CNBD1: variants seen among roughly 807,000 people sequenced by gnomAD.
The protein encoded by CNBD1 is cyclic nucleotide binding domain containing 1, also known as cyclic nucleotide-binding domain-containing protein 1.
A neutral mutation model predicts 54.4 loss-of-function variants in CNBD1; 71 were observed. That is an observed-to-expected ratio of 1.30 (90% CI 1.08 to 1.59). CNBD1 has a LOEUF of 1.59. CNBD1 is among the 40% of genes most tolerant of loss of function. The probability of loss-of-function intolerance (pLI) is 0.00; values close to 1 mark genes in which losing one functional copy is unlikely to be tolerated. For synonymous variants in CNBD1, 182 were observed against 170.7 expected, an observed-to-expected ratio of 1.07 and a Z score of -0.51; for missense variants, 659 against 518.0, an observed-to-expected ratio of 1.27 and a Z score of -2.64.
At position 86,902,299 on chromosome 8, in the gene CNBD1, G is replaced by A. The variant is rs150763689; in HGVS notation, c.159-2782G>A. ...TTAATATATACCTTTTTGGGAGTTGGGGGGGGAGCCATACAATCCATAGCA... is the reference window on the plus strand; with the variant it reads ...TTAATATATACCTTTTTGGGAGTTGAGGGGGGAGCCATACAATCCATAGCA... On this transcript the variant is annotated intron_variant, in intron 2 of 10. Coordinates refer to ENST00000518476, the MANE Select transcript of CNBD1 (RefSeq NM_173538.3). Among the ~76,000 whole-genome samples the A allele has an allele frequency of 3.3e-5, 5 of 152,022 alleles. No individual in the cohort carries two copies. In the South Asian group the frequency reaches 6.2e-4, roughly 19 times the overall value.
chr8:87,184,397 T>A (rs981638122), intron 4 of CNBD1, among the ~76,000 whole-genome samples: 2 of 152,128 alleles, frequency 1.3e-5, no homozygotes, highest in Non-Finnish European at 2.9e-5. Flanking sequence ...CAGCTGCTAA[T>A]AAACGCTAAA....
chr8:87,232,421 C>G (rs868668929), intron 5 of CNBD1, among the ~76,000 whole-genome samples: 3 of 152,128 alleles, frequency 2.0e-5, no homozygotes, highest in Admixed American at 1.3e-4. Flanking sequence ...TGTTTCACAT[C>G]TATGCCAATA....
At chr8:87,397,288 G>A (rs111262143) in intron 2 of CNBD1, among the ~76,000 whole-genome samples, 31 of 151,992 alleles carry the variant, frequency 2.0e-4, no homozygotes, top group African/African-American at 6.0e-4. Context: ...GACTAGAAAT[G>A]TTTGTATCAC....
chr8:87,171,925 C>G (rs538624018), intron 4 of CNBD1, among the ~76,000 whole-genome samples: 40 of 152,274 alleles, frequency 2.6e-4, no homozygotes, highest in Non-Finnish European at 5.0e-4. Context: ...GCATGAGCCA[C>G]CGCGCCTGGG....
intron 4 of CNBD1, among the ~76,000 whole-genome samples, chr8:87,037,294 G>A (rs947297759): frequency 2.0e-5 from 3 of 151,926 alleles, no homozygotes; most frequent in Admixed American, 2.0e-4. Context: ...GAGTTCTGAA[G>A]CTTTGCAGTG....
chr8:87,126,688 G>C (rs1811996289), intron 4 of CNBD1, among the ~76,000 whole-genome samples: 1 of 151,670 alleles, frequency 6.6e-6, no homozygotes, highest in Admixed American at 6.6e-5. Flanking sequence ...TTGCACATTT[G>C]CATTTTATCA....
At chr8:87,173,418 C>A (rs1247604081) in intron 4 of CNBD1, among the ~76,000 whole-genome samples, 3 of 152,128 alleles carry the variant, frequency 2.0e-5, no homozygotes, top group Admixed American at 2.0e-4. Context: ...CATTAACTTT[C>A]TTTTCTTTCT....
intron 1 of CNBD1, among the ~76,000 whole-genome samples, chr8:86,878,895 T>A (rs142899298): frequency 5.9e-5 from 9 of 152,230 alleles, no homozygotes; most frequent in Non-Finnish European, 1.3e-4. Flanking sequence ...AGATCAGGCT[T>A]CTTCCTCTAA....
At chr8:87,104,518 A>C (rs1436073986) in intron 4 of CNBD1, among the ~76,000 whole-genome samples, 1 of 152,174 alleles carries the variant, frequency 6.6e-6, no homozygotes, top group East Asian at 1.9e-4. Context: ...TCAGTGATTG[A>C]GGTGGAGGCA....
intron 3 of CNBD1, among the ~76,000 whole-genome samples, chr8:86,912,573 C>A (rs934091482): frequency 6.6e-6 from 1 of 152,044 alleles, no homozygotes; most frequent in East Asian, 1.9e-4. Context: ...ATTGTGCTGC[C>A]AGTTATATAA....
At chr8:86,967,942 G>C (rs73271744) in intron 4 of CNBD1, among the ~76,000 whole-genome samples, 1 of 152,112 alleles carries the variant, frequency 6.6e-6, no homozygotes, top group African/African-American at 2.4e-5. Flanking sequence ...ATAGCGGTAA[G>C]GTGTAGGGAG....
chr8:87,077,324 C>T (rs1810892259), intron 4 of CNBD1, among the ~76,000 whole-genome samples: 1 of 151,856 alleles, frequency 6.6e-6, no homozygotes, highest in Non-Finnish European at 1.5e-5. Flanking sequence ...GGGTTCTCTT[C>T]CCGGTTTATG....
chr8:87,418,290 C>T lies in CNBD1; in HGVS notation c.214-10256C>T, dbSNP rs544812784. Among the ~76,000 whole-genome samples, 156 of 152,006 alleles carry T rather than the reference C, an allele frequency of 1.0e-3. 4 individuals are homozygous for T. In the South Asian group the frequency reaches 0.031, roughly 30 times the overall value. Reference sequence around the variant, plus strand: ...GAACACCAAGACAATTTCAACAAATCGTGCTGAGACAACCGAATATTCACA... The same window carrying T: ...GAACACCAAGACAATTTCAACAAATTGTGCTGAGACAACCGAATATTCACA... On this transcript the variant is annotated intron_variant, in intron 2 of 7. Coordinates refer to the CNBD1 transcript ENST00000521593.
rs574974223 is a variant in CNBD1 at position 87,364,579 on chromosome 8, T to A, written c.1303+10793T>A. 1.2e-4 allele frequency among the ~76,000 whole-genome samples: 19 copies of A among 152,106 alleles called. No homozygotes were observed. The East Asian group carries it at 3.7e-3, about 29-fold the overall frequency. ...ACTCAGTGGTTTAGTGTATAGATTT[T>A]TTTGTCACCTAGGTATCAAGCCTAG... On this transcript the variant is annotated intron_variant, in intron 10 of 10. Transcript: ENST00000518476.
chr8:87,000,307 C>T (rs1016318906), intron 4 of CNBD1, among the ~76,000 whole-genome samples: 1 of 152,044 alleles, frequency 6.6e-6, no homozygotes, highest in African/African-American at 2.4e-5. Context: ...GTAAGATGTG[C>T]CTCTTCCCCT....
At chr8:87,106,066 A>G (rs934184644) in intron 4 of CNBD1, among the ~76,000 whole-genome samples, 9 of 152,106 alleles carry the variant, frequency 5.9e-5, no homozygotes, top group Non-Finnish European at 1.2e-4. Flanking sequence ...ACTCTACATC[A>G]GAGTTAGCTG....
rs767236468 is a variant in CNBD1, at chr8:87,206,011, A to G, written c.450A>G (p.Pro150=). Residue 150 remains proline, a synonymous_variant, in exon 5 of 11, where the codon CCA becomes CCG. Transcript: ENST00000518476. ...TTTTGAGGCCCATTCACAGGACGCCATATGAACACAAAACTGTGTGGAAGT... is the reference window on the plus strand; with the variant it reads ...TTTTGAGGCCCATTCACAGGACGCCGTATGAACACAAAACTGTGTGGAAGT... ...ILKKLPIHRT[P]YEHKTVWKFL... is the part of the protein sequence containing the mutation. The G allele has an allele frequency of 3.8e-6, 6 of 1,560,484 alleles. No homozygotes were observed. In the East Asian group the frequency reaches 9.4e-5, roughly 24 times the overall value.
At chr8:87,007,780 C>T (rs1809133018) in intron 4 of CNBD1, among the ~76,000 whole-genome samples, 1 of 152,110 alleles carries the variant, frequency 6.6e-6, no homozygotes, top group East Asian at 1.9e-4. Flanking sequence ...GTTTGTCATA[C>T]ATTAATATTT....
chr8:87,207,999 G>C (rs1814013695), intron 5 of CNBD1, among the ~76,000 whole-genome samples: 2 of 152,056 alleles, frequency 1.3e-5, no homozygotes, highest in South Asian at 4.1e-4. Flanking sequence ...ATCCAGTTTA[G>C]TAAAAAGGCC....
Sources: gnomAD v4.1 joint callset for allele counts (sites outside exome capture counted in the v4.1 genomes callset) on GRCh38, gnomAD v4.1.1 for gene constraint, MANE v1.5 for transcripts, NCBI Gene and HGNC (gene_info 2026-07-23, HGNC 2026-07-21) for gene names.